Variants in IYD observed in about 807,000 individuals in gnomAD.
IYD encodes the protein iodotyrosine deiodinase.
A neutral mutation model predicts 28.4 loss-of-function variants in IYD; 25 were observed. That is an observed-to-expected ratio of 0.88 (90% confidence interval 0.64 to 1.23). The LOEUF (loss-of-function observed/expected upper bound fraction) is 1.23. Among genes scored for constraint, IYD ranks in the 50% most tolerant of loss-of-function variants. The pLI is 0.00. For synonymous variants in IYD, 140 were observed against 130.8 expected, an observed-to-expected ratio of 1.07 and a Z score of -0.48; for missense variants, 352 against 357.9, an observed-to-expected ratio of 0.98 and a Z score of 0.13.
chr6:150,377,708 A>G (rs981726131), intron 1 of IYD, among the ~76,000 whole-genome samples: 2 of 152,222 alleles, frequency 1.3e-5, no homozygotes, highest in Admixed American at 6.5e-5. Flanking sequence ...AATGGGTCTT[A>G]AGACTTAGTA....
At chr6:150,388,627 T>G (rs200418153) in intron 1 of IYD, among the ~76,000 whole-genome samples, 2 of 129,002 alleles carry the variant, frequency 1.6e-5, no homozygotes, top group East Asian at 5.4e-4. Flanking sequence ...GTCTGGAGTT[T>G]TTGCTTTCTT....
intron 2 of IYD, among the ~76,000 whole-genome samples, chr6:150,390,107 G>A (rs1369858906): frequency 6.6e-6 from 1 of 152,134 alleles, no homozygotes; most frequent in Non-Finnish European, 1.5e-5. Context: ...AGAAAATGGG[G>A]AGGAGAAATA....
intron 1 of IYD, among the ~76,000 whole-genome samples, chr6:150,369,579 T>C (rs192739522): frequency 5.9e-4 from 90 of 152,266 alleles, no homozygotes; most frequent in Non-Finnish European, 1.0e-3. Flanking sequence ...ATCTACCAAG[T>C]GGCATCACCT....
Position 150,392,512 on chromosome 6 carries a change from CA to C in IYD, c.530+9del, listed in dbSNP as rs1351931347. On this transcript the variant is annotated intron_variant, in intron 3 of 4. Transcript: ENST00000344419. Reference sequence around the variant, plus strand: ...AGACCTCAAGAAACTGAGGTACAAACAGTGGTGGAACTGGGGATGTTTGCCT... The same window carrying C: ...AGACCTCAAGAAACTGAGGTACAAACGTGGTGGAACTGGGGATGTTTGCCT... 1.9e-6 allele frequency: 3 copies of C among 1,613,556 alleles called. No homozygotes were observed. Among genetic ancestry groups the C allele is most frequent in the Non-Finnish European group, 2.5e-6 (3 of 1,179,788 alleles).
chr6:150,378,450 A>G (rs889813974), intron 1 of IYD, among the ~76,000 whole-genome samples: 17 of 152,066 alleles, frequency 1.1e-4, no homozygotes, highest in African/African-American at 3.9e-4. Flanking sequence ...TGTCCTTGCA[A>G]TAGTTTACTG....
chr6:150,370,220 C>CGTGT lies in IYD; in HGVS notation c.178+1014_178+1015insTGTG, dbSNP rs1554229270. Among the ~76,000 whole-genome samples, 238 of 145,094 alleles carry CGTGT rather than the reference C, an allele frequency of 1.6e-3. 8 individuals are homozygous for CGTGT. The East Asian group carries it at 0.04, about 25-fold the overall frequency. On this transcript the variant is annotated intron_variant, in intron 1 of 4. Coordinates refer to ENST00000344419, the MANE Select transcript of IYD (RefSeq NM_203395.3). ...TTATGAATGTGCATGTGTGTGTGCG[C>CGTGT]GTGCGTGTGTGTGTGTGCATGAGAG... is the stretch of plus-strand genomic sequence containing the variant.
At position 150,402,562 on chromosome 6, in the gene IYD, T is replaced by G. The variant is rs1217879597; in HGVS notation, c.*4325T>G. The G allele has an allele frequency of 6.6e-6, 1 of 152,182 alleles. No individual in the cohort carries two copies. Among genetic ancestry groups the G allele is most frequent in the Non-Finnish European group, 1.5e-5 (1 of 68,050 alleles). 9.4% of individuals were successfully genotyped at this position (152,182 alleles called of 1,614,324 possible). ...AGGAAAGTTGAAGAAATTGGTGAAA[T>G]CAGAATAGGACAGTGAAAGGCATAA... On this transcript the variant is annotated 3_prime_UTR_variant, in exon 5 of 5. Transcript: ENST00000344419.
rs772779813 is a variant in IYD, at chr6:150,389,465, A to G, written c.292A>G (p.Asn98Asp). 7.4e-6 allele frequency: 12 copies of G among 1,613,798 alleles called. No individual in the cohort carries two copies. The South Asian group carries it at 1.3e-4, about 18-fold the overall frequency. The change falls in exon 2 of 5, where the codon AAT (asparagine) becomes GAT (aspartate). Residue 98 changes from asparagine to aspartate, a missense_variant. Asn to Asp is a conservative substitution (Grantham distance 23). Coordinates refer to ENST00000344419, the MANE Select transcript of IYD (RefSeq NM_203395.3). Reference protein sequence around the residue: ...KRSQEFYELLNKRRSVRFISN... With the variant: ...KRSQEFYELLDKRRSVRFISN... Reference sequence around the variant, plus strand: ...GTCTCAGGAATTTTATGAACTTCTCAATAAGAGACGGTCAGTCAGGTTCAT... The same window carrying G: ...GTCTCAGGAATTTTATGAACTTCTCGATAAGAGACGGTCAGTCAGGTTCAT...
chr6:150,395,820 G>A, intron 4 of IYD: 1 of 611,400 alleles, frequency 1.6e-6, no homozygotes, highest in Non-Finnish European at 2.9e-6. Flanking sequence ...GGGGCAGGCG[G>A]GGAAGTGTCT....
chr6:150,370,736 C>A, intron 1 of IYD: 1 of 864,702 alleles, frequency 1.2e-6, no homozygotes, highest in Non-Finnish European at 1.4e-6. Context: ...AGGCGTGGAT[C>A]AGAGTAAAGT....
chr6:150,395,525 G>A, intron 4 of IYD: 1 of 1,537,354 alleles, frequency 6.5e-7, no homozygotes, highest in Non-Finnish European at 8.7e-7. Context: ...CCTGGAAGAA[G>A]CAGCGAAGCC....
At chr6:150,375,186 G>A (rs1777402164) in intron 1 of IYD, among the ~76,000 whole-genome samples, 1 of 152,152 alleles carries the variant, frequency 6.6e-6, no homozygotes, top group Admixed American at 6.5e-5. Flanking sequence ...CAGAGAAAGA[G>A]GTTTAATCAT....
intron 1 of IYD, among the ~76,000 whole-genome samples, chr6:150,379,201 C>CCT (rs145367556): frequency 1.3e-5 from 2 of 152,002 alleles, no homozygotes; most frequent in Admixed American, 6.6e-5. Flanking sequence ...CTGGTTCCTC[C>CCT]CTCTCTCTCT....
rs1778225599 is a variant in IYD, at chr6:150,394,159, A to G, written c.591A>G (p.Gln197=). ...CTATTTTGATTCTCATTTTCAAACA[A>G]GTACATGGTTTCGCCGCAAATGGCA... ...TAPILILIFK[Q]VHGFAANGKK... Residue 197 remains glutamine (Q), a synonymous_variant, in exon 4 of 5, where the codon CAA becomes CAG. Coordinates refer to ENST00000344419, the MANE Select transcript of IYD (RefSeq NM_203395.3). 2.5e-6 allele frequency: 4 copies of G among 1,614,094 alleles called. No homozygotes were observed. In the East Asian group the frequency reaches 8.9e-5, roughly 36 times the overall value.
intron 1 of IYD, among the ~76,000 whole-genome samples, chr6:150,381,383 T>A (rs1777640307): frequency 6.6e-6 from 1 of 152,218 alleles, no homozygotes. Context: ...AAGTTTTGTT[T>A]AAAAGTTCTG....
At chr6:150,372,715 T>C (rs1315303288) in intron 1 of IYD, among the ~76,000 whole-genome samples, 1 of 58,220 alleles carries the variant, frequency 1.7e-5, no homozygotes. Flanking sequence ...TTGGGGGTGG[T>C]GAGGGAACAT....
At chr6:150,396,478 CT>C in intron 4 of IYD, 1 of 699,232 alleles carries the variant, frequency 1.4e-6, no homozygotes, top group Non-Finnish European at 2.6e-6. Context: ...CAGGTTTCTA[CT>C]GCTAGAGACA....
rs760317121 is a variant in IYD, at chr6:150,398,198, C to A, written c.831C>A (p.Leu277=). The change falls in exon 5 of 5, where the codon CTC becomes CTA. Residue 277 remains leucine, a synonymous_variant. Transcript: ENST00000344419. ...GCAAGGAGGCCACGGTGCCTGACCT[C>A]AAGCGCAAACCTCTGGACCAGATCA... ...YPSKEATVPD[L]KRKPLDQIMV... is the part of the protein sequence containing the mutation. The A allele has an allele frequency of 1.2e-6, 2 of 1,614,192 alleles. No individual in the cohort carries two copies. Among genetic ancestry groups the A allele is most frequent in the Non-Finnish European group, 1.7e-6 (2 of 1,180,034 alleles).
intron 1 of IYD, among the ~76,000 whole-genome samples, chr6:150,375,871 C>G (rs556907185): frequency 1.3e-5 from 2 of 152,266 alleles, no homozygotes; most frequent in South Asian, 4.1e-4. Flanking sequence ...AAGAAGGGAA[C>G]AAGGATGATG....
Sources: allele counts gnomAD v4.1 joint callset (sites outside exome capture counted in the v4.1 genomes callset), GRCh38; gene constraint gnomAD v4.1.1; transcripts MANE v1.5; gene names NCBI Gene and HGNC (gene_info 2026-07-23, HGNC 2026-07-21).